Variants in BACH2 observed in about 807,000 individuals in gnomAD.
The protein encoded by BACH2 is BACH transcriptional regulator 2.
A neutral mutation model predicts 61.8 loss-of-function variants in BACH2; 5 were observed. The ratio of observed to expected loss-of-function variants is 0.08; its 90% confidence interval spans 0.04 to 0.17. The LOEUF is 0.17. BACH2 is among the 10% of genes least tolerant of loss of function. The pLI is 1.00. For missense variants in BACH2, 824 were observed against 1,091.1 expected (o/e 0.76, Z 3.45); for synonymous variants, 446 against 440.1 (o/e 1.01, Z -0.17).
rs1164045089 is a variant in BACH2, at chr6:90,014,468, A to AT, written c.-12-5613dup. Among the ~76,000 whole-genome samples, 87 of 32,310 alleles carry AT rather than the reference A, an allele frequency of 2.7e-3. 3 individuals are homozygous for AT. Among genetic ancestry groups the AT allele is most frequent in the Non-Finnish European group, 3.1e-3 (66 of 21,176 alleles). The allele number at this position is 32,310 out of a possible 152,430, so 21.2% of individuals were successfully genotyped here. Reference sequence around the variant, plus strand: ...TATATATATATATATATATATATATATTTTTTTTTTTTTTTTTTTTTTTTT... The same window carrying AT: ...TATATATATATATATATATATATATATTTTTTTTTTTTTTTTTTTTTTTTTT... On this transcript the variant is annotated intron_variant, in intron 5 of 8. Transcript: ENST00000257749.
intron 6 of BACH2, among the ~76,000 whole-genome samples, chr6:90,004,805 T>C (rs1455214970): frequency 6.6e-6 from 1 of 152,208 alleles, no homozygotes; most frequent in East Asian, 1.9e-4. Context: ...CTTCATCTCT[T>C]AGCAAAACAT....
Position 90,129,174 on chromosome 6 carries a change from A to G in BACH2, c.-161-40065T>C, listed in dbSNP as rs556119167. Among the ~76,000 whole-genome samples the G allele has an allele frequency of 4.6e-5, 7 of 152,276 alleles. 1 individual carries two copies. The South Asian group carries it at 1.5e-3, about 32-fold the overall frequency. ...TATGGCACATGTATACATATGTAAC[A>G]AACCTGCACGTTGCGCACATGTACC... On this transcript the variant is annotated intron_variant, in intron 4 of 8. Transcript: ENST00000257749.
At chr6:89,975,841 A>C (rs1775621832) in intron 6 of BACH2, among the ~76,000 whole-genome samples, 1 of 152,232 alleles carries the variant, frequency 6.6e-6, no homozygotes, top group Non-Finnish European at 1.5e-5. Context: ...GGTCCCAATA[A>C]AATATTTGAC....
At chr6:90,018,126 T>C (rs1218772850) in intron 5 of BACH2, among the ~76,000 whole-genome samples, 1 of 152,214 alleles carries the variant, frequency 6.6e-6, no homozygotes, top group African/African-American at 2.4e-5. Context: ...TGGTAGGAAA[T>C]GATGTTATTC....
At chr6:90,255,679 G>C (rs964414470) in intron 2 of BACH2, among the ~76,000 whole-genome samples, 6 of 152,230 alleles carry the variant, frequency 3.9e-5, no homozygotes, top group African/African-American at 1.4e-4. Context: ...CACCAGAAGA[G>C]CAGGTGAATA....
intron 5 of BACH2, among the ~76,000 whole-genome samples, chr6:90,041,367 T>C (rs966430546): frequency 6.6e-6 from 1 of 151,932 alleles, no homozygotes; most frequent in South Asian, 2.1e-4. Flanking sequence ...TGGTTTTTAA[T>C]GAAAATAGAT....
At chr6:89,952,559 G>T (rs1359991526) in intron 6 of BACH2, among the ~76,000 whole-genome samples, 2 of 152,152 alleles carry the variant, frequency 1.3e-5, no homozygotes, top group Admixed American at 6.5e-5. Context: ...AATGAATGGG[G>T]GTTGCAGAGT....
chr6:90,200,715 T>G (rs1477534024), intron 4 of BACH2, among the ~76,000 whole-genome samples: 1 of 152,176 alleles, frequency 6.6e-6, no homozygotes, highest in African/African-American at 2.4e-5. Flanking sequence ...GAAAGAAAGG[T>G]GTCCTATGTT....
intron 4 of BACH2, among the ~76,000 whole-genome samples, chr6:90,134,467 C>A (rs1784208279): frequency 6.6e-6 from 1 of 152,182 alleles, no homozygotes; most frequent in Non-Finnish European, 1.5e-5. Flanking sequence ...GAGAAGAGTC[C>A]TTCCTGGTCG....
chr6:90,228,579 T>C (rs974242974), intron 3 of BACH2, among the ~76,000 whole-genome samples: 2 of 152,100 alleles, frequency 1.3e-5, no homozygotes, highest in Non-Finnish European at 2.9e-5. Flanking sequence ...AGAAACTTTG[T>C]CTCTACTAAA....
At chr6:90,287,272 T>C (rs988830625) in intron 1 of BACH2, among the ~76,000 whole-genome samples, 2 of 152,232 alleles carry the variant, frequency 1.3e-5, no homozygotes, top group South Asian at 2.1e-4. Context: ...GACACCACTA[T>C]GCTTGTGGTA....
intron 7 of BACH2, among the ~76,000 whole-genome samples, chr6:89,943,310 C>T (rs56405757): frequency 0.15 from 23,386 of 152,136 alleles, 1,943 homozygotes; most frequent in East Asian, 0.26. Flanking sequence ...AAACAGAAAT[C>T]GGCTGCTTTA....
rs370180369 is a variant in BACH2 at position 89,950,742 on chromosome 6, T to A, written c.1364A>T (p.Asp455Val). The A allele has an allele frequency of 6.2e-7, 1 of 1,613,992 alleles. No homozygotes were observed. Among genetic ancestry groups the A allele is most frequent in the Non-Finnish European group, 8.5e-7 (1 of 1,180,024 alleles). ...TGGCACCGGCTCAGAGAGGTCTTTG[T>A]CCAAACTGCTCACCCCAGAATAAGA... Reference protein sequence around the residue: ...VHSYSGVSSLDKDLSEPVPKG... With the variant: ...VHSYSGVSSLVKDLSEPVPKG... Residue 455 changes from aspartate (D) to valine (V), a missense_variant, in exon 7 of 9, where the codon GAC becomes GTC. Around this residue, in one of 8 missense-constraint regions of BACH2, gnomAD observed 102 missense variants for 98.1 expected, o/e 1.04. Transcript: ENST00000257749. This position sits in a 1 kb window ranked among gnomAD's most constrained non-coding sequence, Gnocchi z 5.3.
At chr6:90,254,542 A>G (rs1770916135) in intron 2 of BACH2, among the ~76,000 whole-genome samples, 1 of 152,038 alleles carries the variant, frequency 6.6e-6, no homozygotes, top group Non-Finnish European at 1.5e-5. Context: ...ACCTGTTTGA[A>G]TCACACACAA....
chr6:90,242,291 G>A (rs1770481383), intron 3 of BACH2, among the ~76,000 whole-genome samples: 1 of 152,128 alleles, frequency 6.6e-6, no homozygotes, highest in Non-Finnish European at 1.5e-5. Context: ...TCTTTTTACT[G>A]TCTCTATGGT....
At chr6:90,266,942 G>A (rs1455567978) in intron 2 of BACH2, among the ~76,000 whole-genome samples, 3 of 152,044 alleles carry the variant, frequency 2.0e-5, no homozygotes, top group Non-Finnish European at 2.9e-5. Context: ...ACATGGCAAC[G>A]CATAGTCTTT....
intron 5 of BACH2, among the ~76,000 whole-genome samples, chr6:90,021,300 A>G (rs1269931377): frequency 8.6e-5 from 6 of 69,724 alleles, no homozygotes; most frequent in Non-Finnish European, 1.6e-4. Flanking sequence ...GCAAAAAAGT[A>G]AAAAAAAAAA....
intron 5 of BACH2, among the ~76,000 whole-genome samples, chr6:90,047,497 T>C (rs190366784): frequency 6.7e-4 from 102 of 152,338 alleles, no homozygotes; most frequent in Non-Finnish European, 1.1e-3. Flanking sequence ...GCTCTTCTGC[T>C]AACAGAACCT....
chr6:90,284,516 T>C (rs1423785176), intron 1 of BACH2, among the ~76,000 whole-genome samples: 1 of 152,198 alleles, frequency 6.6e-6, no homozygotes, highest in Non-Finnish European at 1.5e-5. Flanking sequence ...TGCACCAGTA[T>C]TTTCCTTTCT....
Sources: allele counts gnomAD v4.1 joint callset (sites outside exome capture counted in the v4.1 genomes callset), GRCh38; gene constraint gnomAD v4.1.1; regional missense constraint gnomAD v4.1.1; non-coding constraint Gnocchi (gnomAD v3.1); transcripts MANE v1.5; gene names NCBI Gene and HGNC (gene_info 2026-07-23, HGNC 2026-07-21).